FRMPD4: variants seen among roughly 807,000 people sequenced by gnomAD.
The protein encoded by FRMPD4 is FERM and PDZ domain-containing protein 4.
In FRMPD4, 22 loss-of-function variants were observed where a neutral mutation model predicts 94.1. That is an observed-to-expected ratio of 0.23 (90% CI 0.17 to 0.33). The LOEUF is 0.33. Among genes scored for constraint, FRMPD4 ranks in the 10% least tolerant of loss-of-function variants. FRMPD4 has a pLI of 1.00. For synonymous variants in FRMPD4, 631 were observed against 548.6 expected, an observed-to-expected ratio of 1.15 and a Z score of -2.10; for missense variants, 1,111 against 1,339.9, an observed-to-expected ratio of 0.83 and a Z score of 2.67.
At chrX:12,286,502 G>T (rs750595568) in intron 1 of FRMPD4, among the ~76,000 whole-genome samples, 2 of 112,030 alleles carry the variant, frequency 1.8e-5, no homozygotes, top group South Asian at 7.4e-4. Context: ...ATGCTATAAT[G>T]AAATTCATGA....
At position 12,716,342 on chromosome X, in the gene FRMPD4, G is replaced by C. The variant is rs775576730; in HGVS notation, c.1883G>C (p.Arg628Pro). The C allele has an allele frequency of 8.3e-7, 1 of 1,211,580 alleles. No individual in the cohort carries two copies. The highest frequency in any genetic ancestry group is 1.1e-6 in the Non-Finnish European group (1 of 895,261). ...CEADYRSLAQ[R>P]SLLTLSGPET... ...GCAGACTACAGAAGTCTAGCTCAGC[G>C]GTCCCTATTGACCCTCTCAGGACCA... Residue 628 changes from arginine to proline, a missense_variant, in exon 15 of 17, where the codon CGG becomes CCG. Arg to Pro is a moderately radical substitution (Grantham distance 103). This residue lies in a region of FRMPD4 where 192 missense variants were observed against 192.5 expected (regional missense o/e 1.00). Transcript: ENST00000675598.
At chrX:11,961,426 A>C (rs1490949005) in intron 3 of FRMPD4, among the ~76,000 whole-genome samples, 2 of 112,449 alleles carry the variant, frequency 1.8e-5, no homozygotes, top group Non-Finnish European at 3.7e-5. Context: ...GGGAATTTTC[A>C]TCTGCTCTTG....
intron 2 of FRMPD4, among the ~76,000 whole-genome samples, chrX:12,597,666 C>A (rs986726673): frequency 8.9e-6 from 1 of 112,212 alleles, no homozygotes; most frequent in African/African-American, 3.2e-5. Flanking sequence ...CTCCATTAAC[C>A]TTAGTTTCTA....
At chrX:12,605,805 C>G (rs1286515246) in intron 2 of FRMPD4, among the ~76,000 whole-genome samples, 1 of 111,282 alleles carries the variant, frequency 9.0e-6, no homozygotes, top group Admixed American at 9.5e-5. Flanking sequence ...CACCCACCCA[C>G]TCCACCCACT....
intron 3 of FRMPD4, among the ~76,000 whole-genome samples, chrX:11,884,701 C>T: frequency 9.0e-6 from 1 of 111,166 alleles, no homozygotes; most frequent in Middle Eastern, 4.3e-3. Flanking sequence ...TTGAGTTACC[C>T]TTTGAGACTT....
intron 1 of FRMPD4, among the ~76,000 whole-genome samples, chrX:12,466,247 T>A (rs1230379254): frequency 7.1e-5 from 8 of 112,181 alleles, no homozygotes; most frequent in Non-Finnish European, 1.5e-4. Context: ...TAACCCTTTT[T>A]CTGAGAATAA....
chrX:12,339,151 G>A (rs5979603), intron 1 of FRMPD4, among the ~76,000 whole-genome samples: 3,006 of 111,356 alleles, frequency 0.027, 118 homozygotes, highest in African/African-American at 0.093. Context: ...ATTTTAGAGA[G>A]GCTCACTTCT....
At chrX:12,219,764 C>T (rs1248300965) in intron 1 of FRMPD4, among the ~76,000 whole-genome samples, 1 of 111,847 alleles carries the variant, frequency 8.9e-6, no homozygotes, top group Non-Finnish European at 1.9e-5. Context: ...TTCCTTGGTA[C>T]CAGGCCCTCT....
At chrX:12,638,257 G>T (rs1337670103) in intron 4 of FRMPD4, among the ~76,000 whole-genome samples, 7 of 112,166 alleles carry the variant, frequency 6.2e-5, no homozygotes, top group Non-Finnish European at 1.3e-4. Flanking sequence ...TATATTTTTG[G>T]TTTGTTTTTG....
intron 1 of FRMPD4, among the ~76,000 whole-genome samples, chrX:12,260,976 TTTTC>T (rs1331803775): frequency 8.9e-6 from 1 of 111,758 alleles, no homozygotes; most frequent in Non-Finnish European, 1.9e-5. Context: ...CACCCTGTGG[TTTTC>T]TTTATCTTTA....
At chrX:12,244,193 T>G (rs1468777125) in intron 1 of FRMPD4, among the ~76,000 whole-genome samples, 1 of 110,461 alleles carries the variant, frequency 9.1e-6, no homozygotes, top group Non-Finnish European at 1.9e-5. Context: ...AGAAACTGCA[T>G]GAGATTGGGT....
intron 3 of FRMPD4, among the ~76,000 whole-genome samples, chrX:12,110,113 T>TA (rs1273755025): frequency 9.0e-6 from 1 of 111,075 alleles, no homozygotes; most frequent in East Asian, 2.8e-4. Context: ...TACAGACCAA[T>TA]AAAAAAAGAG....
At chrX:12,087,666 AT>A (rs2055122270) in intron 3 of FRMPD4, among the ~76,000 whole-genome samples, 1 of 112,440 alleles carries the variant, frequency 8.9e-6, no homozygotes, top group Non-Finnish European at 1.9e-5. Context: ...TAGTTATATT[AT>A]TTGCCTTCAA....
At chrX:12,299,787 A>G (rs1372655624) in intron 1 of FRMPD4, among the ~76,000 whole-genome samples, 1 of 112,171 alleles carries the variant, frequency 8.9e-6, no homozygotes, top group Non-Finnish European at 1.9e-5. Context: ...CATGCTGACA[A>G]TAGATGCGTG....
rs5978477 is a variant in FRMPD4, at chrX:11,948,376, T to C, written c.95+70358T>C. Among the ~76,000 whole-genome samples, 335 of 111,471 alleles carry C rather than the reference T, an allele frequency of 3.0e-3. 1 individual carries two copies. Among genetic ancestry groups the C allele is most frequent in the African/African-American group, 0.01 (312 of 30,684 alleles). ...GGCCCTAGGGAGATCTTTTGCTCTC[T>C]TTTTGCTATTTAAGAATGCAACCCA... is the stretch of plus-strand genomic sequence containing the variant. On this transcript the variant is annotated intron_variant, in intron 3 of 18. Transcript: ENST00000640291.
intron 3 of FRMPD4, among the ~76,000 whole-genome samples, chrX:12,103,816 A>G (rs1160962296): frequency 1.8e-5 from 2 of 112,339 alleles, no homozygotes; most frequent in South Asian, 7.4e-4. Flanking sequence ...TGAATAGTCA[A>G]TAAGTATTCT....
At chrX:11,845,780 A>G (rs2053572193) in intron 1 of FRMPD4, among the ~76,000 whole-genome samples, 1 of 109,586 alleles carries the variant, frequency 9.1e-6, no homozygotes, top group Non-Finnish European at 1.9e-5. Context: ...GACAAAAACC[A>G]CATGATTATC....
At chrX:11,949,571 T>A (rs1424445306) in intron 3 of FRMPD4, among the ~76,000 whole-genome samples, 1 of 112,249 alleles carries the variant, frequency 8.9e-6, no homozygotes, top group East Asian at 2.8e-4. Context: ...TATATGTGTG[T>A]GTGTATGTGT....
intron 4 of FRMPD4, among the ~76,000 whole-genome samples, chrX:12,672,560 C>G (rs2059854972): frequency 9.0e-6 from 1 of 111,526 alleles, no homozygotes; most frequent in Non-Finnish European, 1.9e-5. Flanking sequence ...AGATATGAGT[C>G]AGATCCCAAG....
Sources: allele counts gnomAD v4.1 joint callset (sites outside exome capture counted in the v4.1 genomes callset), GRCh38; gene constraint gnomAD v4.1.1; regional missense constraint gnomAD v4.1.1; transcripts MANE v1.5; gene names NCBI Gene and HGNC (gene_info 2026-07-23, HGNC 2026-07-21).